ABLIM3: variants seen among roughly 807,000 people sequenced by gnomAD.
ABLIM3 encodes the protein actin-binding LIM protein 3.
In ABLIM3, 61 loss-of-function variants were observed where a neutral mutation model predicts 109.5. That is an observed-to-expected ratio of 0.56 (90% CI 0.45 to 0.69). The LOEUF (loss-of-function observed/expected upper bound fraction) is 0.69. ABLIM3 is among the 30% of genes least tolerant of loss of function. The probability of loss-of-function intolerance (pLI) is 0.00; values close to 1 mark genes in which losing one functional copy is unlikely to be tolerated. For missense variants in ABLIM3, 796 were observed against 889.5 expected (o/e 0.89, Z 1.34); for synonymous variants, 300 against 324.8 (o/e 0.92, Z 0.82).
intron 2 of ABLIM3, 48 bp downstream of exon 2, chr5:149,142,156 G>A (rs1382509888): frequency 1.3e-6 from 2 of 1,578,268 alleles, no homozygotes; most frequent in Non-Finnish European, 1.7e-6. Flanking sequence ...GGTGGGGGCG[G>A]GAGGTGAGGG....
In ABLIM3 at chr5:149,233,254, T is replaced by C. The variant is rs1328438796; in HGVS notation, c.842T>C (p.Ile281Thr). 1 of 1,614,058 alleles carries C rather than the reference T, an allele frequency of 6.2e-7. No individual in the cohort carries two copies. The highest frequency in any genetic ancestry group is 8.5e-7 in the Non-Finnish European group (1 of 1,180,022). Residue 281 changes from isoleucine to threonine, a missense_variant, in exon 10 of 24, where the codon ATC (isoleucine) becomes ACC (threonine). Ile to Thr is a moderately conservative substitution (Grantham distance 89, BLOSUM62 -1). Transcript: ENST00000309868. The stretch of plus-strand genomic sequence containing the variant: ...CATAGACGGACATCTGAAACCTCCA[T>C]CTCACCCCCTGGATCCAGCATTGGG... ...LKHRRTSETSISPPGSSIGSP... is the reference protein window; with the variant it reads ...LKHRRTSETSTSPPGSSIGSP...
Position 149,258,800 on chromosome 5 carries a change from T to C in ABLIM3, c.*396T>C, listed in dbSNP as rs1754672087. The C allele has an allele frequency of 1.0e-6, 1 of 991,974 alleles. No individual in the cohort carries two copies. The highest frequency in any genetic ancestry group is 1.2e-6 in the Non-Finnish European group (1 of 834,534). The allele number at this position is 991,974 out of a possible 1,614,324, so 61.4% of individuals were successfully genotyped here. A position where few individuals can be genotyped will look rare whatever the true frequency, so the allele number is the denominator to read the frequency against. On this transcript the variant is annotated 3_prime_UTR_variant, in exon 24 of 24. Coordinates refer to ENST00000309868, the MANE Select transcript of ABLIM3 (RefSeq NM_014945.5). ...CTGACCATGTGGTTTCCACACCTTA[T>C]TGGCCCCAGAGGGGCCCTCCCATGG...
At chr5:149,183,322 T>C in intron 2 of ABLIM3, 130 bp from the exon 3 acceptor site, 1 of 1,097,536 alleles carries the variant, frequency 9.1e-7, no homozygotes, top group Non-Finnish European at 1.3e-6. Context: ...TGATGATGAA[T>C]TGAAGATACT....
chr5:149,167,353 A>C (rs1447391608), intron 2 of ABLIM3, among the ~76,000 whole-genome samples: 2 of 152,138 alleles, frequency 1.3e-5, no homozygotes, highest in African/African-American at 2.4e-5. Context: ...CTAATATGAT[A>C]AATATTTATA....
chr5:149,201,900 C>T lies in ABLIM3; in HGVS notation c.448+1472C>T, dbSNP rs574290896. Among the ~76,000 whole-genome samples the T allele has an allele frequency of 5.3e-5, 8 of 152,286 alleles. No homozygotes were observed. The South Asian group carries it at 1.7e-3, about 32-fold the overall frequency. ...GCTGCAAAGCAGTCATGAAGCCTCCCTGAGACTCAGTTTACCCAGTTATGA... is the reference window on the plus strand; with the variant it reads ...GCTGCAAAGCAGTCATGAAGCCTCCTTGAGACTCAGTTTACCCAGTTATGA... On this transcript the variant is annotated intron_variant, in intron 5 of 23. Coordinates refer to ENST00000309868, the MANE Select transcript of ABLIM3 (RefSeq NM_014945.5).
At position 149,246,464 on chromosome 5, in the gene ABLIM3, T is replaced by C; in HGVS notation, c.1487-18T>C. 6.2e-7 allele frequency: 1 copy of C among 1,613,840 alleles called. No individual in the cohort carries two copies. Among genetic ancestry groups the C allele is most frequent in the Non-Finnish European group, 8.5e-7 (1 of 1,179,914 alleles). On this transcript the variant is annotated intron_variant, in intron 16 of 23. Transcript: ENST00000309868. ...TGGGGTGCACATGCCGGAGCTGATC[T>C]TTTCTGTCTTTTGACAGTGCCCCGA...
rs1561623695 is a variant in ABLIM3, at chr5:149,239,246, A to G, written c.1045-2A>G. 1 of 1,613,982 alleles carries G rather than the reference A, an allele frequency of 6.2e-7. No individual in the cohort carries two copies. Among genetic ancestry groups the G allele is most frequent in the Admixed American group, 1.7e-5 (1 of 60,022 alleles). On this transcript the variant is annotated splice_acceptor_variant, in intron 11 of 23. Transcript: ENST00000309868. LOFTEE classifies it high-confidence loss of function. ...ACTGCCTTCAAACTCTTCACTTCTA[A>G]GTCGCTGGGAACATTATCTCCCTAC... is the stretch of plus-strand genomic sequence containing the variant.
intron 10 of ABLIM3, among the ~76,000 whole-genome samples, chr5:149,234,866 T>C (rs2127551845): frequency 6.6e-6 from 1 of 152,344 alleles, no homozygotes; most frequent in Non-Finnish European, 1.5e-5. Flanking sequence ...TGTAATACTG[T>C]TCATCACAAG....
chr5:149,235,155 T>C (rs1225753621), intron 10 of ABLIM3, among the ~76,000 whole-genome samples: 1 of 152,202 alleles, frequency 6.6e-6, no homozygotes, highest in African/African-American at 2.4e-5. Context: ...TGGTGCCTCA[T>C]GCTCAGCTGC....
Position 149,239,765 on chromosome 5 carries a change from T to C in ABLIM3, c.1081T>C (p.Tyr361His). 2 of 1,603,920 alleles carry C rather than the reference T, an allele frequency of 1.2e-6. No homozygotes were observed. The highest frequency in any genetic ancestry group is 1.7e-6 in the Non-Finnish European group (2 of 1,175,316). ...GCCCCATTTCCTCTCCCAGGACATC[T>C]ACGAGAACCTGGACCTCCGGCAGAG... ...GTLSPYSQDIYENLDLRQRRA... is the reference protein window; with the variant it reads ...GTLSPYSQDIHENLDLRQRRA... The change falls in exon 13 of 24, where the codon TAC (tyrosine) becomes CAC (histidine). Residue 361 changes from tyrosine (Y) to histidine (H), a missense_variant. By Grantham distance (83) the Tyr-to-His change is moderately conservative. Transcript: ENST00000309868.
chr5:149,200,703 T>C, intron 5 of ABLIM3: 1 of 468,904 alleles, frequency 2.1e-6, no homozygotes, highest in Non-Finnish European at 3.9e-6. Flanking sequence ...GCTGAGTTCC[T>C]GATCTTATGT....
intron 18 of ABLIM3, 120 bp from the exon 19 acceptor site, chr5:149,249,695 C>T (rs1202824330): frequency 4.0e-6 from 5 of 1,249,478 alleles, no homozygotes; most frequent in Non-Finnish European, 5.8e-6. Flanking sequence ...CAGGAGGCCC[C>T]TTTTCCCAGC....
chr5:149,209,740 G>A (rs1050619620), intron 6 of ABLIM3, among the ~76,000 whole-genome samples: 3 of 152,300 alleles, frequency 2.0e-5, no homozygotes, highest in South Asian at 2.1e-4. Flanking sequence ...AGGGTTGGGG[G>A]AGGTGTGTCT....
chr5:149,169,815 C>G (rs947317411), intron 2 of ABLIM3, among the ~76,000 whole-genome samples: 1 of 152,128 alleles, frequency 6.6e-6, no homozygotes, highest in Non-Finnish European at 1.5e-5. Flanking sequence ...TGCTATGGCT[C>G]ATGTTAGATA....
chr5:149,218,546 A>C (rs1760322789), intron 8 of ABLIM3: 1 of 152,470 alleles, frequency 6.6e-6, no homozygotes. Flanking sequence ...GCATAAGGGC[A>C]AGTGGAGCCT....
chr5:149,194,962 G>A (rs1303433261), intron 3 of ABLIM3, among the ~76,000 whole-genome samples: 1 of 152,066 alleles, frequency 6.6e-6, no homozygotes. Flanking sequence ...TTTTCTCTAT[G>A]TATAATATAT....
At chr5:149,193,728 CA>C (rs1757713523) in intron 3 of ABLIM3, among the ~76,000 whole-genome samples, 1 of 152,144 alleles carries the variant, frequency 6.6e-6, no homozygotes, top group Non-Finnish European at 1.5e-5. Context: ...CTATTAAGAC[CA>C]TGTGATCTTG....
intron 2 of ABLIM3, among the ~76,000 whole-genome samples, chr5:149,168,002 T>C (rs997703362): frequency 6.6e-6 from 1 of 152,148 alleles, no homozygotes; most frequent in East Asian, 1.9e-4. Flanking sequence ...TTGTGCATTG[T>C]AGAATGTTTA....
At position 149,245,699 on chromosome 5, in the gene ABLIM3, C is replaced by T. The variant is rs564576687; in HGVS notation, c.1486+684C>T. Among the ~76,000 whole-genome samples, 8 of 151,984 alleles carry T rather than the reference C, an allele frequency of 5.3e-5. No individual in the cohort carries two copies. In the South Asian group the frequency reaches 1.7e-3, roughly 32 times the overall value. ...AGAGGATGTGGGGAGGTGGAAGGCT[C>T]CTGGTAAGGGGTCTCAGTGGTCCTC... On this transcript the variant is annotated intron_variant, in intron 16 of 23. Coordinates refer to ENST00000309868, the MANE Select transcript of ABLIM3 (RefSeq NM_014945.5).
Sources: gnomAD v4.1 joint callset for allele counts (sites outside exome capture counted in the v4.1 genomes callset) on GRCh38, gnomAD v4.1.1 for gene constraint, MANE v1.5 for transcripts, NCBI Gene and HGNC (gene_info 2026-07-23, HGNC 2026-07-21) for gene names.